Variants in TMTC2 observed in about 807,000 individuals in gnomAD.
The protein encoded by TMTC2 is protein O-mannosyl-transferase TMTC2.
In TMTC2, 43 loss-of-function variants were observed where a neutral mutation model predicts 82.4. The ratio of observed to expected loss-of-function variants is 0.52; its 90% confidence interval spans 0.41 to 0.67. The LOEUF (loss-of-function observed/expected upper bound fraction) is 0.67, where lower values mean the gene tolerates loss of function less well. TMTC2 is among the 30% of genes least tolerant of loss of function. TMTC2 has a pLI of 0.00. For synonymous variants in TMTC2, 408 were observed against 381.9 expected (o/e 1.07, Z -0.80); for missense variants, 919 against 1,012.4 (o/e 0.91, Z 1.25).
intron 1 of TMTC2, among the ~76,000 whole-genome samples, chr12:82,711,257 G>A (rs887913731): frequency 7.2e-5 from 11 of 152,272 alleles, no homozygotes; most frequent in African/African-American, 2.6e-4. Flanking sequence ...AAATCCCAAA[G>A]CTTACAATTA....
intron 1 of TMTC2, among the ~76,000 whole-genome samples, chr12:82,750,732 T>G (rs1565734078): frequency 6.6e-6 from 1 of 152,178 alleles, no homozygotes; most frequent in Non-Finnish European, 1.5e-5. Flanking sequence ...ATTTTTCTAA[T>G]TCCTCCCCAA....
At chr12:82,956,011 C>T (rs536752691) in intron 4 of TMTC2, among the ~76,000 whole-genome samples, 1 of 151,986 alleles carries the variant, frequency 6.6e-6, no homozygotes, top group South Asian at 2.1e-4. Context: ...CAGGCAACTC[C>T]GTATGATATG....
chr12:82,834,982 A>G (rs750388666), intron 1 of TMTC2, among the ~76,000 whole-genome samples: 19 of 151,750 alleles, frequency 1.3e-4, no homozygotes, highest in Non-Finnish European at 2.6e-4. Flanking sequence ...AGTTCAAACA[A>G]TTTTCCTGCT....
At chr12:83,040,646 A>C (rs941968375) in intron 9 of TMTC2, among the ~76,000 whole-genome samples, 1 of 151,312 alleles carries the variant, frequency 6.6e-6, no homozygotes, top group African/African-American at 2.4e-5. Context: ...TCACCTAGGA[A>C]GGCTGGTCAA....
chr12:83,008,471 A>G (rs764445439), intron 8 of TMTC2, among the ~76,000 whole-genome samples: 14 of 152,204 alleles, frequency 9.2e-5, no homozygotes, highest in South Asian at 2.1e-4. Flanking sequence ...TAATGAGCCC[A>G]TCAAAGGCAT....
intron 8 of TMTC2, among the ~76,000 whole-genome samples, chr12:83,014,501 G>A (rs746725880): frequency 7.9e-5 from 12 of 152,136 alleles, no homozygotes; most frequent in Middle Eastern, 3.4e-3. Flanking sequence ...CACCACACCC[G>A]GCTAATTTTT....
At chr12:83,114,770 A>C (rs1884701124) in intron 11 of TMTC2, among the ~76,000 whole-genome samples, 1 of 151,988 alleles carries the variant, frequency 6.6e-6, no homozygotes, top group Non-Finnish European at 1.5e-5. Context: ...TCTTTACCCC[A>C]GTATGTCTTT....
chr12:83,018,047 A>G (rs1036343), intron 8 of TMTC2, among the ~76,000 whole-genome samples: 111,602 of 146,682 alleles, frequency 0.76, 43,739 homozygotes, highest in South Asian at 0.91. Context: ...GTGTGTGTGT[A>G]TGTATATATA....
Position 83,061,764 on chromosome 12 carries a change from A to G in TMTC2, c.2268-4A>G. 1 of 1,586,860 alleles carries G rather than the reference A, an allele frequency of 6.3e-7. No individual in the cohort carries two copies. Among genetic ancestry groups the G allele is most frequent in the Non-Finnish European group, 8.6e-7 (1 of 1,168,970 alleles). On this transcript the variant is annotated splice_polypyrimidine_tract_variant and splice_region_variant and intron_variant, in intron 10 of 11. Transcript: ENST00000321196. ...ATAGTTTTATTTTATTTTTTCTTTT[A>G]CAGACAGGCTAGCCTCAATGAAGCA... is the stretch of plus-strand genomic sequence containing the variant.
chr12:82,920,606 A>G (rs1875332047), intron 3 of TMTC2, among the ~76,000 whole-genome samples: 1 of 152,200 alleles, frequency 6.6e-6, no homozygotes, highest in African/African-American at 2.4e-5. Context: ...CTTGAGATAT[A>G]AGAGTTATTC....
intron 4 of TMTC2, among the ~76,000 whole-genome samples, chr12:82,955,886 ATTGACCC>A (rs1877586134): frequency 1.3e-5 from 2 of 152,154 alleles, no homozygotes; most frequent in African/African-American, 4.8e-5. Context: ...GATACATAAA[ATTGACCC>A]TATTACTTAT....
chr12:83,040,648 G>A (rs1881853491), intron 9 of TMTC2, among the ~76,000 whole-genome samples: 1 of 151,522 alleles, frequency 6.6e-6, no homozygotes, highest in African/African-American at 2.4e-5. Context: ...ACCTAGGAAG[G>A]CTGGTCAATC....
At position 82,972,724 on chromosome 12, in the gene TMTC2, A is replaced by C. The variant is rs187894464; in HGVS notation, c.1948+5727A>C. Reference sequence around the variant, plus strand: ...AGAACTGACAAATCACCTTCTGAAAACAATGCAAATGTTCTCGCTCGTAAA... The same window carrying C: ...AGAACTGACAAATCACCTTCTGAAACCAATGCAAATGTTCTCGCTCGTAAA... On this transcript the variant is annotated intron_variant, in intron 7 of 11. Transcript: ENST00000321196. Among the ~76,000 whole-genome samples, 52 of 152,296 alleles carry C rather than the reference A, an allele frequency of 3.4e-4. No individual in the cohort carries two copies. The East Asian group carries it at 9.1e-3, about 27-fold the overall frequency.
At chr12:82,720,335 G>T (rs568992767) in intron 1 of TMTC2, among the ~76,000 whole-genome samples, 4 of 152,136 alleles carry the variant, frequency 2.6e-5, no homozygotes, top group African/African-American at 9.6e-5. Context: ...TTCATAACTG[G>T]CCTCTTTTAC....
intron 8 of TMTC2, among the ~76,000 whole-genome samples, chr12:83,004,150 C>T (rs932467622): frequency 2.6e-5 from 4 of 152,014 alleles, no homozygotes; most frequent in Non-Finnish European, 4.4e-5. Flanking sequence ...CTCAGCTTGC[C>T]CTGTTGTGTT....
intron 1 of TMTC2, among the ~76,000 whole-genome samples, chr12:82,763,409 A>G (rs1438759331): frequency 6.6e-6 from 1 of 152,180 alleles, no homozygotes; most frequent in African/African-American, 2.4e-5. Flanking sequence ...AAGTGGGGAG[A>G]GTGCTATCCA....
chr12:83,030,878 TG>T lies in TMTC2; in HGVS notation c.2152+1del. The T allele has an allele frequency of 1.2e-6, 2 of 1,610,818 alleles. No individual in the cohort carries two copies. The highest frequency in any genetic ancestry group is 1.7e-6 in the Non-Finnish European group (2 of 1,177,110). ...CCAAAGGAAACTGTTACATGCATTATGGTGAGTGGTTGATAGTTTTTTTTCC... is the reference window on the plus strand; with the variant it reads ...CCAAAGGAAACTGTTACATGCATTATGTGAGTGGTTGATAGTTTTTTTTCC... ...PTKGNCYMHY[G>X]QFLLEEARLI... On this transcript the variant is annotated frameshift_variant and splice_region_variant, in exon 9 of 12. Transcript: ENST00000321196. LOFTEE classifies it high-confidence loss of function.
intron 1 of TMTC2, among the ~76,000 whole-genome samples, chr12:82,838,712 C>CTAG (rs1489972772): frequency 6.6e-6 from 1 of 151,878 alleles, no homozygotes; most frequent in Non-Finnish European, 1.5e-5. Flanking sequence ...ACACATGTCC[C>CTAG]CTCTAGGGGC....
chr12:83,090,463 C>T (rs59136394), intron 11 of TMTC2, among the ~76,000 whole-genome samples: 3,678 of 152,252 alleles, frequency 0.024, 145 homozygotes, highest in African/African-American at 0.084. Flanking sequence ...CAAGTCTTTG[C>T]ATAAAGTTAA....
Sources: allele counts gnomAD v4.1 joint callset (sites outside exome capture counted in the v4.1 genomes callset), GRCh38; gene constraint gnomAD v4.1.1; transcripts MANE v1.5; gene names NCBI Gene and HGNC (gene_info 2026-07-23, HGNC 2026-07-21).